The following TIE1 variants were observed in gnomAD, a reference collection of about 807,000 sequenced individuals.
TIE1 encodes tyrosine kinase with immunoglobulin like and EGF like domains 1, also known as tyrosine-protein kinase receptor Tie-1.
TIE1 carries 89 observed loss-of-function variants against 130.5 expected under a neutral mutation model. The observed-to-expected ratio is 0.68, with a 90% confidence interval of 0.57 to 0.81. The LOEUF (loss-of-function observed/expected upper bound fraction) is 0.81. TIE1 is among the 40% of genes least tolerant of loss of function. TIE1 has a pLI of 0.00. For missense variants in TIE1, 1,392 were observed against 1,559.8 expected (o/e 0.89, Z 1.81); for synonymous variants, 568 against 629.4 (o/e 0.90, Z 1.46).
At position 43,313,782 on chromosome 1, in the gene TIE1, G is replaced by A. The variant is rs1399631695; in HGVS notation, c.2223G>A (p.Leu741=). 6.2e-7 allele frequency: 1 copy of A among 1,611,510 alleles called. No individual in the cohort carries two copies. Among genetic ancestry groups the A allele is most frequent in the Non-Finnish European group, 8.5e-7 (1 of 1,178,954 alleles). ...TGCCCCTCTCACTGTGTCCAGGGCTGCAGGCTGAGGGCCCAGTCCAAGAGA... is the reference window on the plus strand; with the variant it reads ...TGCCCCTCTCACTGTGTCCAGGGCTACAGGCTGAGGGCCCAGTCCAAGAGA... ...TVEESTLGNG[L]QAEGPVQESR... Residue 741 remains leucine (L), a synonymous_variant, in exon 14 of 23, where the codon CTG becomes CTA. Transcript: ENST00000372476. The surrounding 1 kb of genome is among the most constrained non-coding windows in gnomAD (Gnocchi z 6.2).
chr1:43,301,060 G>T lies in TIE1; in HGVS notation c.-12G>T. The T allele has an allele frequency of 6.2e-7, 1 of 1,613,486 alleles. No individual in the cohort carries two copies. The highest frequency in any genetic ancestry group is 1.7e-5 in the Admixed American group (1 of 59,916). On this transcript the variant is annotated 5_prime_UTR_variant, in exon 1 of 23. Transcript: ENST00000372476. Reference sequence around the variant, plus strand: ...CAGCTCGTCCTGGCTGGCCTGGGTCGGCCTCTGGAGTATGGTCTGGCGGGT... The same window carrying T: ...CAGCTCGTCCTGGCTGGCCTGGGTCTGCCTCTGGAGTATGGTCTGGCGGGT...
Position 43,320,989 on chromosome 1 carries a change from A to T in TIE1, c.3108-280A>T, listed in dbSNP as rs1456463536. On this transcript the variant is annotated intron_variant, in intron 19 of 22. Coordinates refer to ENST00000372476, the MANE Select transcript of TIE1 (RefSeq NM_005424.5). ...ATCCTGGGAGGTTGAGGCTGCAGTA[A>T]GCCACTGCACTCCAGCCTGGGTGAC... 17 of 486,338 alleles carry T rather than the reference A, an allele frequency of 3.5e-5. No individual in the cohort carries two copies. The East Asian group carries it at 6.0e-4, about 17-fold the overall frequency. 30.1% of individuals were successfully genotyped at this position (486,338 alleles called of 1,614,324 possible). A position where few individuals can be genotyped will look rare whatever the true frequency, so the allele number is the denominator to read the frequency against.
intron 1 of TIE1, among the ~76,000 whole-genome samples, chr1:43,302,862 G>A (rs532214964): frequency 1.3e-5 from 2 of 151,994 alleles, no homozygotes; most frequent in Non-Finnish European, 2.9e-5. Flanking sequence ...GGCTGGGGGG[G>A]TGGGGATGAA....
chr1:43,311,746 C>T lies in TIE1; in HGVS notation c.1409C>T (p.Ser470Leu), dbSNP rs140190628. 3.9e-4 allele frequency: 627 copies of T among 1,614,010 alleles called. No individual in the cohort carries two copies. The highest frequency in any genetic ancestry group is 4.9e-4 in the Non-Finnish European group (573 of 1,180,024). The change falls in exon 10 of 23, where the codon TCG becomes TTG. Residue 470 changes from serine (S) to leucine (L), a missense_variant. Physicochemically the swap from Ser to Leu is moderately radical, Grantham distance 145 (BLOSUM62 -2). Transcript: ENST00000372476. ...SRQLVVSPLV[S>L]FSGDGPISTV... ...CAGCTTGTGGTCTCCCCGCTGGTCT[C>T]GTTCTCTGGGGATGGACCCATCTCC...
At position 43,307,048 on chromosome 1, in the gene TIE1, T is replaced by C; in HGVS notation, c.640+53T>C. ...GTAGGGTGGGAGGCTGGGAGCCCTA[T>C]GGGTACTTCCTGTGGGTCCCCTGGA... is the stretch of plus-strand genomic sequence containing the variant. On this transcript the variant is annotated intron_variant, in intron 4 of 22. Coordinates refer to ENST00000372476, the MANE Select transcript of TIE1 (RefSeq NM_005424.5). This position sits in a 1 kb window ranked among gnomAD's most constrained non-coding sequence, Gnocchi z 5.4. The C allele has an allele frequency of 6.2e-7, 1 of 1,612,924 alleles. No homozygotes were observed. Among genetic ancestry groups the C allele is most frequent in the Non-Finnish European group, 8.5e-7 (1 of 1,179,592 alleles).
At position 43,309,338 on chromosome 1, in the gene TIE1, A is replaced by G; in HGVS notation, c.1189-50A>G. 1 of 1,539,986 alleles carries G rather than the reference A, an allele frequency of 6.5e-7. No individual in the cohort carries two copies. Among genetic ancestry groups the G allele is most frequent in the East Asian group, 2.3e-5 (1 of 44,422 alleles). On this transcript the variant is annotated intron_variant, in intron 8 of 22. Transcript: ENST00000372476. This position sits in a 1 kb window ranked among gnomAD's most constrained non-coding sequence, Gnocchi z 6.3. ...CCAGACGGACACCTGGGTGCCTGCC[A>G]CAGAGGTGCCCGTTCCCTGTGACCT... is the stretch of plus-strand genomic sequence containing the variant.
In TIE1 at chr1:43,317,895, C is replaced by T. The variant is rs1414781595; in HGVS notation, c.2745C>T (p.Ile915=). ...TTTGCCTCTCAGGTTACTTGTATAT[C>T]GCTATTGAATATGCCCCCTACGGGA... ...GACKNRGYLY[I]AIEYAPYGNL... The change falls in exon 17 of 23, where the codon ATC becomes ATT. Residue 915 remains isoleucine, a synonymous_variant. Transcript: ENST00000372476. This position sits in a 1 kb window ranked among gnomAD's most constrained non-coding sequence, Gnocchi z 5.1. 7 of 1,613,998 alleles carry T rather than the reference C, an allele frequency of 4.3e-6. No individual in the cohort carries two copies. The highest frequency in any genetic ancestry group is 1.1e-5 in the South Asian group (1 of 91,078).
At position 43,306,519 on chromosome 1, in the gene TIE1, A is replaced by G. The variant is rs1556581; in HGVS notation, c.485-321A>G. ...TGGAGGAGGGACAAGAAAGGGTGAC[A>G]CTGGAGGCAGAGGAGCCTTGTGAGG... On this transcript the variant is annotated intron_variant, in intron 3 of 22. Transcript: ENST00000372476. This position sits in a 1 kb window ranked among gnomAD's most constrained non-coding sequence, Gnocchi z 4.9. Among the ~76,000 whole-genome samples, 107,404 of 152,036 alleles carry G rather than the reference A, an allele frequency of 0.71. 38,802 individuals are homozygous for G. Among genetic ancestry groups the G allele is most frequent in the African/African-American group, 0.86 (35,717 of 41,448 alleles).
chr1:43,316,441 AT>A lies in TIE1; in HGVS notation c.2410-756del, dbSNP rs1188215423. ...TCTTAACCCTGCTTCCAGTTCTCAT[AT>A]TGGCAGTTTCTTTGGTCCTGTTCAC... On this transcript the variant is annotated intron_variant, in intron 14 of 22. Coordinates refer to ENST00000372476, the MANE Select transcript of TIE1 (RefSeq NM_005424.5). The surrounding 1 kb of genome is among the most constrained non-coding windows in gnomAD (Gnocchi z 4.4). Among the ~76,000 whole-genome samples the A allele has an allele frequency of 1.3e-5, 2 of 152,082 alleles. No homozygotes were observed. The highest frequency in any genetic ancestry group is 3.9e-4 in the East Asian group (2 of 5,186).
In TIE1 at chr1:43,318,107, G is replaced by C. The variant is rs1342585621; in HGVS notation, c.2922+35G>C. The C allele has an allele frequency of 1.3e-6, 2 of 1,514,914 alleles. No homozygotes were observed. The highest frequency in any genetic ancestry group is 8.8e-7 in the Non-Finnish European group (1 of 1,132,764). The allele number at this position is 1,514,914 out of a possible 1,614,324, so 93.8% of individuals were successfully genotyped here. On this transcript the variant is annotated intron_variant, in intron 17 of 22. Coordinates refer to ENST00000372476, the MANE Select transcript of TIE1 (RefSeq NM_005424.5). The surrounding 1 kb of genome is among the most constrained non-coding windows in gnomAD (Gnocchi z 4.4). ...AGTGGGGGCGGGTGGAGGCCAGAGGGGGAAGCCACTGGGCTGGTGTCAGTG... is the reference window on the plus strand; with the variant it reads ...AGTGGGGGCGGGTGGAGGCCAGAGGCGGAAGCCACTGGGCTGGTGTCAGTG...
In TIE1 at chr1:43,317,281, AC is replaced by A. The variant is rs779096195; in HGVS notation, c.2495del (p.Pro832GlnfsTer3). 6.2e-7 allele frequency: 1 copy of A among 1,613,996 alleles called. No individual in the cohort carries two copies. Among genetic ancestry groups the A allele is most frequent in the Non-Finnish European group, 8.5e-7 (1 of 1,180,028 alleles). On this transcript the variant is annotated frameshift_variant, in exon 15 of 23. Coordinates refer to ENST00000372476, the MANE Select transcript of TIE1 (RefSeq NM_005424.5). LOFTEE classifies it high-confidence loss of function. The surrounding 1 kb of genome is among the most constrained non-coding windows in gnomAD (Gnocchi z 5.1). ...RPKLQPEPLSYPVLEWEDITF... is the reference protein window; with the variant it reads ...RPKLQPEPLSXPVLEWEDITF... ...AAACTGCAGCCCGAGCCCCTGAGCT[AC>A]CCAGTGCTAGAGTGGGAGGACATCA... is the stretch of plus-strand genomic sequence containing the variant.
At position 43,311,292 on chromosome 1, in the gene TIE1, T is replaced by A. The variant is rs368621859; in HGVS notation, c.1334-379T>A. Among the ~76,000 whole-genome samples the A allele has an allele frequency of 7.2e-3, 1,036 of 144,626 alleles. 11 individuals carry two copies. Among genetic ancestry groups the A allele is most frequent in the African/African-American group, 0.026 (1,004 of 39,342 alleles). The allele number at this position is 144,626 out of a possible 152,430, so 94.9% of individuals were successfully genotyped here. A position where few individuals can be genotyped will look rare whatever the true frequency, so the allele number is the denominator to read the frequency against. On this transcript the variant is annotated intron_variant, in intron 9 of 22. Transcript: ENST00000372476. ...AGCAGGTGCTTCAGTGCCAGTGCCA[T>A]TTTTTTTTTTTAATAAGAGAGTGGT...
chr1:43,312,069 G>A lies in TIE1; in HGVS notation c.1568G>A (p.Arg523Gln), dbSNP rs769017155. 28 of 1,605,580 alleles carry A rather than the reference G, an allele frequency of 1.7e-5. No individual in the cohort carries two copies. The highest frequency in any genetic ancestry group is 3.3e-5 in the South Asian group (3 of 90,156). Residue 523 changes from arginine to glutamine, a missense_variant, in exon 11 of 23, where the codon CGG (arginine) becomes CAG (glutamine). Physicochemically the swap from Arg to Gln is conservative, Grantham distance 43 (BLOSUM62 1). Around this residue, in one of 6 missense-constraint regions of TIE1, gnomAD observed 551 missense variants for 565.5 expected, o/e 0.97. Coordinates refer to ENST00000372476, the MANE Select transcript of TIE1 (RefSeq NM_005424.5). This position sits in a 1 kb window ranked among gnomAD's most constrained non-coding sequence, Gnocchi z 5.6. The stretch of plus-strand genomic sequence containing the variant: ...TACAGTGTTCGTGTGCAGCTGAGCC[G>A]GCCAGGGGAAGGAGGAGAGGGGGCC... Reference protein sequence around the residue: ...TGYSVRVQLSRPGEGGEGAWG... With the variant: ...TGYSVRVQLSQPGEGGEGAWG...
Position 43,318,130 on chromosome 1 carries a change from G to T in TIE1, c.2922+58G>T. 1 of 1,498,570 alleles carries T rather than the reference G, an allele frequency of 6.7e-7. No homozygotes were observed. The highest frequency in any genetic ancestry group is 8.9e-7 in the Non-Finnish European group (1 of 1,125,046). The allele number at this position is 1,498,570 out of a possible 1,614,324, so 92.8% of individuals were successfully genotyped here. On this transcript the variant is annotated intron_variant, in intron 17 of 22. Transcript: ENST00000372476. The surrounding 1 kb of genome is among the most constrained non-coding windows in gnomAD (Gnocchi z 4.4). ...GGGGGAAGCCACTGGGCTGGTGTCA[G>T]TGGAAGAAGTCAGCCGGCCCTGATT...
Position 43,308,000 on chromosome 1 carries a change from A to G in TIE1, c.1042+76A>G. On this transcript the variant is annotated intron_variant, in intron 7 of 22. Transcript: ENST00000372476. This position sits in a 1 kb window ranked among gnomAD's most constrained non-coding sequence, Gnocchi z 5.4. ...CAAACACATCTCCCCGGTGGAAGAG[A>G]GTAGTCCCTCCTTTCCCTACGAGGG... The G allele has an allele frequency of 6.3e-7, 1 of 1,584,764 alleles. No homozygotes were observed. Among genetic ancestry groups the G allele is most frequent in the Non-Finnish European group, 8.6e-7 (1 of 1,162,598 alleles).
At position 43,301,022 on chromosome 1, in the gene TIE1, C is replaced by T. The variant is rs972137856; in HGVS notation, c.-50C>T. 8.3e-6 allele frequency: 13 copies of T among 1,565,676 alleles called. No homozygotes were observed. In the African/African-American group the frequency reaches 1.6e-4, roughly 20 times the overall value. On this transcript the variant is annotated 5_prime_UTR_variant, in exon 1 of 23. Transcript: ENST00000372476. Reference sequence around the variant, plus strand: ...GGCTGAGCAGTCAGGCCCACAGCATCTGACCCCAGGCCCAGCTCGTCCTGG... The same window carrying T: ...GGCTGAGCAGTCAGGCCCACAGCATTTGACCCCAGGCCCAGCTCGTCCTGG...
rs762093875 is a variant in TIE1, at chr1:43,317,240, A to G, written c.2451A>G (p.Thr817=). 47 of 1,614,120 alleles carry G rather than the reference A, an allele frequency of 2.9e-5. No homozygotes were observed. Among genetic ancestry groups the G allele is most frequent in the Non-Finnish European group, 3.8e-5 (45 of 1,180,018 alleles). The part of the protein sequence containing the change: ...TILQFSSGTL[T]LTRRPKLQPE... The stretch of plus-strand genomic sequence containing the variant: ...TGCAGTTCAGCTCAGGGACCTTGAC[A>G]CTTACCCGGCGGCCAAAACTGCAGC... The change falls in exon 15 of 23, where the codon ACA becomes ACG. Residue 817 remains threonine (T), a synonymous_variant. Coordinates refer to ENST00000372476, the MANE Select transcript of TIE1 (RefSeq NM_005424.5). The surrounding 1 kb of genome is among the most constrained non-coding windows in gnomAD (Gnocchi z 5.1).
At position 43,317,881 on chromosome 1, in the gene TIE1, G is replaced by A; in HGVS notation, c.2732-1G>A. 6.2e-7 allele frequency: 1 copy of A among 1,613,846 alleles called. No individual in the cohort carries two copies. The highest frequency in any genetic ancestry group is 8.5e-7 in the Non-Finnish European group (1 of 1,179,858). On this transcript the variant is annotated splice_acceptor_variant, in intron 16 of 22. Coordinates refer to ENST00000372476, the MANE Select transcript of TIE1 (RefSeq NM_005424.5). LOFTEE classifies it high-confidence loss of function. This position sits in a 1 kb window ranked among gnomAD's most constrained non-coding sequence, Gnocchi z 5.1. ...CCACTGTCTGTCTCTTTGCCTCTCA[G>A]GTTACTTGTATATCGCTATTGAATA...
At position 43,313,194 on chromosome 1, in the gene TIE1, A is replaced by G. The variant is rs768158621; in HGVS notation, c.1987A>G (p.Thr663Ala). 4 of 1,613,708 alleles carry G rather than the reference A, an allele frequency of 2.5e-6. No individual in the cohort carries two copies. The highest frequency in any genetic ancestry group is 1.7e-5 in the Admixed American group (1 of 59,996). The change falls in exon 13 of 23, where the codon ACA becomes GCA. Residue 663 changes from threonine to alanine, a missense_variant. Physicochemically the swap from Thr to Ala is moderately conservative, Grantham distance 58. Transcript: ENST00000372476. The surrounding 1 kb of genome is among the most constrained non-coding windows in gnomAD (Gnocchi z 6.2). ...CCTCTCAGACTCCGAGATCCAGCTG[A>G]CATGGAAGCACCCGGAGGCTCTGCC... ...QALSDSEIQLTWKHPEALPGP... is the reference protein window; with the variant it reads ...QALSDSEIQLAWKHPEALPGP...
Sources: allele counts gnomAD v4.1 joint callset (sites outside exome capture counted in the v4.1 genomes callset), GRCh38; gene constraint gnomAD v4.1.1; regional missense constraint gnomAD v4.1.1; non-coding constraint Gnocchi (gnomAD v3.1); transcripts MANE v1.5; gene names NCBI Gene and HGNC (gene_info 2026-07-23, HGNC 2026-07-21).